OSBPL6: variants seen among roughly 807,000 people sequenced by gnomAD.
The protein encoded by OSBPL6 is oxysterol binding protein like 6.
A neutral mutation model predicts 125.8 loss-of-function variants in OSBPL6; 49 were observed. That is an observed-to-expected ratio of 0.39 (90% CI 0.31 to 0.49). The LOEUF is 0.49. Among genes scored for constraint, OSBPL6 ranks in the 20% least tolerant of loss-of-function variants. The pLI is 0.88. For synonymous variants in OSBPL6, 394 were observed against 391.8 expected (o/e 1.01, Z -0.07); for missense variants, 986 against 1,135.4 (o/e 0.87, Z 1.89).
In OSBPL6 at chr2:178,396,951, A is replaced by G. The variant is rs777197822; in HGVS notation, c.*1392A>G. The G allele has an allele frequency of 3.3e-5, 5 of 152,134 alleles. No homozygotes were observed. The highest frequency in any genetic ancestry group is 5.9e-5 in the Non-Finnish European group (4 of 68,016). 9.4% of individuals were successfully genotyped at this position (152,134 alleles called of 1,614,324 possible). A position where few individuals can be genotyped will look rare whatever the true frequency, so the allele number is the denominator to read the frequency against. Reference sequence around the variant, plus strand: ...TATGTTTTTTTTAAAATATCTCCTCAGAGATTTTCCTAGGGAATTATAAAA... The same window carrying G: ...TATGTTTTTTTTAAAATATCTCCTCGGAGATTTTCCTAGGGAATTATAAAA... On this transcript the variant is annotated 3_prime_UTR_variant, in exon 25 of 25. Transcript: ENST00000190611.
intron 11 of OSBPL6, among the ~76,000 whole-genome samples, chr2:178,348,593 G>A (rs142148593): frequency 1.3e-5 from 2 of 152,260 alleles, no homozygotes; most frequent in Admixed American, 6.5e-5. Flanking sequence ...TGAGCCATGT[G>A]CATATATGTA....
chr2:178,194,062 G>T (rs1415969514), upstream of OSBPL6, among the ~76,000 whole-genome samples: 1 of 152,218 alleles, frequency 6.6e-6, no homozygotes, highest in Admixed American at 6.5e-5. Flanking sequence ...TCCCGGCTGC[G>T]GCGCTCCTGG....
chr2:178,287,149 T>TTA (rs1491376390), intron 2 of OSBPL6, among the ~76,000 whole-genome samples: 48 of 125,480 alleles, frequency 3.8e-4, no homozygotes, highest in African/African-American at 1.3e-3. Context: ...CTTCTTTTTT[T>TTA]AAAAAAAAAA....
Position 178,323,110 on chromosome 2 carries a change from TC to T in OSBPL6, c.103-1062del, listed in dbSNP as rs1293259043. 3.9e-5 allele frequency among the ~76,000 whole-genome samples: 6 copies of T among 152,202 alleles called. No homozygotes were observed. The South Asian group carries it at 1.0e-3, about 26-fold the overall frequency. On this transcript the variant is annotated intron_variant, in intron 3 of 24. Coordinates refer to ENST00000190611, the MANE Select transcript of OSBPL6 (RefSeq NM_032523.4). ...TTTAGGTTAAGGCATGTACTTTTTT[TC>T]CCCCGCAAGGGCTTTAATATAATTG...
intron 1 of OSBPL6, among the ~76,000 whole-genome samples, chr2:178,222,419 C>T (rs995001469): frequency 1.3e-4 from 20 of 152,232 alleles, no homozygotes; most frequent in Non-Finnish European, 2.4e-4. Context: ...CCCAGGCGGG[C>T]GGATCACGAG....
At chr2:178,260,357 CTATATGTATATG>C (rs71393412) in intron 1 of OSBPL6, among the ~76,000 whole-genome samples, 1 of 151,248 alleles carries the variant, frequency 6.6e-6, no homozygotes, top group Non-Finnish European at 1.5e-5. Flanking sequence ...GACTTCCAAG[CTATATGTATATG>C]TATATGTATA....
chr2:178,208,284 TA>T lies in OSBPL6; in HGVS notation c.-351+13625del, dbSNP rs538044941. Reference sequence around the variant, plus strand: ...CTGGGTGACAGAGTAAGACTCTGTCTAAAAAAAAAAAAAAAGAAAAAGAAAG... The same window carrying T: ...CTGGGTGACAGAGTAAGACTCTGTCTAAAAAAAAAAAAAAGAAAAAGAAAG... On this transcript the variant is annotated intron_variant, in intron 1 of 24. Transcript: ENST00000190611. Among the ~76,000 whole-genome samples, 991 of 111,682 alleles carry T rather than the reference TA, an allele frequency of 8.9e-3. 9 individuals carry two copies. The highest frequency in any genetic ancestry group is 0.024 in the African/African-American group (711 of 29,834). The allele number at this position is 111,682 out of a possible 152,430, so 73.3% of individuals were successfully genotyped here. A position where few individuals can be genotyped will look rare whatever the true frequency, so the allele number is the denominator to read the frequency against.
intron 3 of OSBPL6, among the ~76,000 whole-genome samples, chr2:178,310,412 C>T (rs201228136): frequency 1.3e-4 from 11 of 85,686 alleles, no homozygotes; most frequent in South Asian, 4.4e-4. Flanking sequence ...AAACTGAACT[C>T]TTTTTTTTTT....
chr2:178,365,157 TGA>T (rs755759864), intron 13 of OSBPL6, among the ~76,000 whole-genome samples: 1 of 151,720 alleles, frequency 6.6e-6, no homozygotes, highest in Non-Finnish European at 1.5e-5. Flanking sequence ...GCCTGAGCAA[TGA>T]GAGTGAAACT....
intron 1 of OSBPL6, among the ~76,000 whole-genome samples, chr2:178,197,982 T>A (rs1346847111): frequency 1.3e-5 from 2 of 152,158 alleles, no homozygotes; most frequent in Non-Finnish European, 2.9e-5. Flanking sequence ...CAGGAAGTGG[T>A]CATGCTGAGA....
At chr2:178,270,776 T>G (rs1205841764) in intron 1 of OSBPL6, among the ~76,000 whole-genome samples, 1 of 152,154 alleles carries the variant, frequency 6.6e-6, no homozygotes, top group Non-Finnish European at 1.5e-5. Context: ...GTCTTGGTTT[T>G]GAAAAAGAAA....
In OSBPL6 at chr2:178,212,906, C is replaced by T. The variant is rs185828683; in HGVS notation, c.-351+18232C>T. ...GACTGCAACCTCCACCTCCCGGGTT[C>T]AAGCGATTCTCCCACCTCAGCCTCC... On this transcript the variant is annotated intron_variant, in intron 1 of 24. Transcript: ENST00000190611. Among the ~76,000 whole-genome samples the T allele has an allele frequency of 5.5e-3, 829 of 152,090 alleles. 8 individuals carry two copies. Among genetic ancestry groups the T allele is most frequent in the African/African-American group, 0.019 (791 of 41,466 alleles).
intron 1 of OSBPL6, among the ~76,000 whole-genome samples, chr2:178,246,061 A>G (rs2091478630): frequency 6.6e-6 from 1 of 152,090 alleles, no homozygotes; most frequent in African/African-American, 2.4e-5. Flanking sequence ...TCACTCCATC[A>G]GTTACATCCT....
chr2:178,298,508 T>C (rs1685962379), intron 2 of OSBPL6, among the ~76,000 whole-genome samples: 1 of 152,048 alleles, frequency 6.6e-6, no homozygotes, highest in African/African-American at 2.4e-5. Context: ...GCTGCAGCCT[T>C]CACCTCCCAG....
At chr2:178,200,851 A>G (rs1011741995) in intron 1 of OSBPL6, among the ~76,000 whole-genome samples, 2 of 151,670 alleles carry the variant, frequency 1.3e-5, no homozygotes, top group Non-Finnish European at 2.9e-5. Context: ...GTTGGAGTGC[A>G]GTGGCGCGAT....
At chr2:178,352,581 C>A (rs559541751) in intron 12 of OSBPL6, among the ~76,000 whole-genome samples, 2 of 152,290 alleles carry the variant, frequency 1.3e-5, no homozygotes, top group East Asian at 3.9e-4. Context: ...ACAAAGCAGT[C>A]AGGAAGCTCG....
chr2:178,369,395 A>G (rs894830550), intron 13 of OSBPL6, among the ~76,000 whole-genome samples: 2 of 152,122 alleles, frequency 1.3e-5, no homozygotes, highest in South Asian at 2.1e-4. Flanking sequence ...ACCCAGAATT[A>G]TTTTTGCACT....
intron 1 of OSBPL6, among the ~76,000 whole-genome samples, chr2:178,226,296 A>T (rs578159106): frequency 6.3e-4 from 88 of 140,100 alleles, no homozygotes; most frequent in Non-Finnish European, 1.1e-3. Flanking sequence ...GTCACCTTCC[A>T]TGCTGGTAGC....
rs1559319883 is a variant in OSBPL6, at chr2:178,383,012, T to TC, written c.1622-10dup. 1.9e-6 allele frequency: 3 copies of TC among 1,613,658 alleles called. No homozygotes were observed. The South Asian group carries it at 3.3e-5, about 18-fold the overall frequency. On this transcript the variant is annotated splice_polypyrimidine_tract_variant and intron_variant, in intron 16 of 24. Coordinates refer to ENST00000190611, the MANE Select transcript of OSBPL6 (RefSeq NM_032523.4). ...AGCAAAGTGTCCTTCACTGTGACTC[T>TC]CCTTCTTCCAGTCCTGAATGGGGAG...
Sources: gnomAD v4.1 joint callset for allele counts (sites outside exome capture counted in the v4.1 genomes callset) on GRCh38, gnomAD v4.1.1 for gene constraint, MANE v1.5 for transcripts, NCBI Gene and HGNC (gene_info 2026-07-23, HGNC 2026-07-21) for gene names.